The following LAMA2 variants were observed in gnomAD, a reference collection of about 807,000 sequenced individuals.
LAMA2 encodes the protein laminin subunit alpha-2.
A neutral mutation model predicts 364.8 loss-of-function variants in LAMA2; 269 were observed. That is an observed-to-expected ratio of 0.74 (90% CI 0.67 to 0.82). The LOEUF (loss-of-function observed/expected upper bound fraction) is 0.82, where lower values mean the gene tolerates loss of function less well. Among genes scored for constraint, LAMA2 ranks in the 40% least tolerant of loss-of-function variants. The probability of loss-of-function intolerance (pLI) is 0.00; values close to 1 mark genes in which losing one functional copy is unlikely to be tolerated. For missense variants in LAMA2, 3,807 were observed against 3,873.2 expected (o/e 0.98, Z 0.45); for synonymous variants, 1,379 against 1,370.6 (o/e 1.01, Z -0.14).
intron 62 of LAMA2, among the ~76,000 whole-genome samples, chr6:129,509,367 C>T (rs1786377172): frequency 6.6e-6 from 1 of 152,068 alleles, no homozygotes; most frequent in South Asian, 2.1e-4. Flanking sequence ...GATGTGATCC[C>T]ATTTGTCTAT....
chr6:129,502,523 T>C, intron 58 of LAMA2, 136 bp from the exon 59 acceptor site: 1 of 681,996 alleles, frequency 1.5e-6, no homozygotes, highest in Non-Finnish European at 2.7e-6. Context: ...TACTATGCAG[T>C]AGACTACAGA....
At chr6:129,131,959 A>C (rs1777503229) in intron 4 of LAMA2, among the ~76,000 whole-genome samples, 1 of 152,068 alleles carries the variant, frequency 6.6e-6, no homozygotes, top group South Asian at 2.1e-4. Flanking sequence ...TCTGTTTTTC[A>C]TTTCCCGCTT....
In LAMA2 at chr6:129,449,511, A is replaced by G. The variant is rs368851019; in HGVS notation, c.6430-3477A>G. ...AGCCCTCATGACCGAAACACTTCCC[A>G]AAAGGCCCCCCTCCCAACACTGTTG... On this transcript the variant is annotated intron_variant, in intron 45 of 64. Transcript: ENST00000421865. Among the ~76,000 whole-genome samples the G allele has an allele frequency of 5.3e-5, 8 of 152,266 alleles. No individual in the cohort carries two copies. In the East Asian group the frequency reaches 1.4e-3, roughly 26 times the overall value.
chr6:129,133,996 C>T (rs1349010631), intron 4 of LAMA2, among the ~76,000 whole-genome samples: 2 of 152,176 alleles, frequency 1.3e-5, no homozygotes, highest in Non-Finnish European at 2.9e-5. Context: ...AATCTAATGA[C>T]ACAGGATCTG....
intron 28 of LAMA2, among the ~76,000 whole-genome samples, chr6:129,327,218 A>AT (rs1408978400): frequency 6.6e-6 from 1 of 152,196 alleles, no homozygotes; most frequent in Non-Finnish European, 1.5e-5. Context: ...CCAAATCAAA[A>AT]TAAACAAGGA....
intron 31 of LAMA2, among the ~76,000 whole-genome samples, chr6:129,349,918 G>A (rs1240416789): frequency 1.3e-5 from 2 of 151,926 alleles, no homozygotes; most frequent in Non-Finnish European, 2.9e-5. Flanking sequence ...TTTTCAATAG[G>A]CAAACAATAT....
At chr6:129,104,539 A>G (rs1775712670) in intron 4 of LAMA2, among the ~76,000 whole-genome samples, 1 of 152,220 alleles carries the variant, frequency 6.6e-6, no homozygotes, top group Admixed American at 6.5e-5. Context: ...GAGCTGAAAG[A>G]TACCTTAGGT....
At chr6:129,299,260 G>A (rs898654998) in intron 21 of LAMA2, among the ~76,000 whole-genome samples, 5 of 151,956 alleles carry the variant, frequency 3.3e-5, no homozygotes, top group Non-Finnish European at 7.4e-5. Context: ...GACCTTGACT[G>A]AGTAATTTTG....
At chr6:128,883,801 TACACAC>T (rs71543146) in intron 1 of LAMA2, among the ~76,000 whole-genome samples, 3,391 of 135,966 alleles carry the variant, frequency 0.025, 47 homozygotes, top group African/African-American at 0.047. Flanking sequence ...TATATATATA[TACACAC>T]ACACACACAC....
intron 35 of LAMA2, among the ~76,000 whole-genome samples, chr6:129,389,025 T>A (rs766160139): frequency 6.6e-6 from 1 of 152,208 alleles, no homozygotes; most frequent in Admixed American, 6.5e-5. Flanking sequence ...CTATGGTTAC[T>A]GTGATTCTGT....
Position 129,329,485 on chromosome 6 carries a change from C to A in LAMA2, c.4311+1073C>A, listed in dbSNP as rs537580755. Reference sequence around the variant, plus strand: ...CAAGTGATTCTCATGCCTCAGCCTCCTGAGTAGCTGGGACTACAGGCTCAC... The same window carrying A: ...CAAGTGATTCTCATGCCTCAGCCTCATGAGTAGCTGGGACTACAGGCTCAC... On this transcript the variant is annotated intron_variant, in intron 29 of 64. Transcript: ENST00000421865. Among the ~76,000 whole-genome samples, 4 of 152,256 alleles carry A rather than the reference C, an allele frequency of 2.6e-5. No homozygotes were observed. The East Asian group carries it at 7.7e-4, about 29-fold the overall frequency.
chr6:129,372,041 A>C (rs752191909), intron 34 of LAMA2, among the ~76,000 whole-genome samples: 33 of 152,180 alleles, frequency 2.2e-4, no homozygotes, highest in Non-Finnish European at 4.3e-4. Flanking sequence ...AGTTCAAAGA[A>C]AAATTGAGTG....
intron 4 of LAMA2, among the ~76,000 whole-genome samples, chr6:129,139,606 C>A (rs1383815705): frequency 6.6e-6 from 1 of 152,040 alleles, no homozygotes; most frequent in African/African-American, 2.4e-5. Context: ...CCACAAATCC[C>A]CTGAAACTAT....
intron 10 of LAMA2, 127 bp downstream of exon 10, chr6:129,177,993 G>C: frequency 1.0e-6 from 1 of 966,920 alleles, no homozygotes; most frequent in Non-Finnish European, 1.6e-6. Flanking sequence ...TCTATTCTAC[G>C]TGTGGTGACC....
intron 3 of LAMA2, among the ~76,000 whole-genome samples, chr6:129,066,046 T>TTTTTTTTTTTTTTTTTTTTC (rs1789294405): frequency 1.2e-5 from 1 of 82,790 alleles, no homozygotes; most frequent in Non-Finnish European, 2.6e-5. Flanking sequence ...AGGTTTTTTT[T>TTTTTTTTTTTTTTTTTTTTC]TTTTTTTTTT....
At chr6:129,026,591 C>G (rs1020479309) in intron 1 of LAMA2, among the ~76,000 whole-genome samples, 1 of 152,068 alleles carries the variant, frequency 6.6e-6, no homozygotes, top group Non-Finnish European at 1.5e-5. Context: ...TTCTATTTCC[C>G]AAATAACTTC....
In LAMA2 at chr6:129,460,257, GACA is replaced by G; in HGVS notation, c.6930_6932del (p.Asn2310del). ...TGGCTGCATGGGAGAAACATACTTTGACAACAAACCTATAGGTTTGTGGAATTT... is the reference window on the plus strand; with the variant it reads ...TGGCTGCATGGGAGAAACATACTTTGACAAACCTATAGGTTTGTGGAATTT... On this transcript the variant is annotated inframe_deletion, in exon 49 of 65. Coordinates refer to ENST00000421865, the MANE Select transcript of LAMA2 (RefSeq NM_000426.4). 1.2e-6 allele frequency: 2 copies of G among 1,611,800 alleles called. No individual in the cohort carries two copies. The highest frequency in any genetic ancestry group is 1.7e-6 in the Non-Finnish European group (2 of 1,178,298).
chr6:129,132,357 G>A (rs1180249051), intron 4 of LAMA2, among the ~76,000 whole-genome samples: 2 of 151,970 alleles, frequency 1.3e-5, no homozygotes, highest in Admixed American at 6.6e-5. Context: ...TAGTAGAGAC[G>A]GGGTTTCACT....
chr6:128,935,380 G>T (rs1215984639), intron 1 of LAMA2, among the ~76,000 whole-genome samples: 2 of 152,206 alleles, frequency 1.3e-5, no homozygotes, highest in East Asian at 3.9e-4. Flanking sequence ...CCATGTCCCT[G>T]CAAAGGACAT....
Sources: gnomAD v4.1 joint callset for allele counts (sites outside exome capture counted in the v4.1 genomes callset) on GRCh38, gnomAD v4.1.1 for gene constraint, MANE v1.5 for transcripts, NCBI Gene and HGNC (gene_info 2026-07-23, HGNC 2026-07-21) for gene names.